Variants in GAREM1 observed in about 807,000 individuals in gnomAD.
The protein encoded by GAREM1 is GRB2 associated regulator of MAPK1 subtype 1.
In GAREM1, 26 loss-of-function variants were observed where a neutral mutation model predicts 71.3. The ratio of observed to expected loss-of-function variants is 0.36; its 90% confidence interval spans 0.27 to 0.51. The LOEUF is 0.51. Among genes scored for constraint, GAREM1 ranks in the 20% least tolerant of loss-of-function variants. The pLI is 0.95. For synonymous variants in GAREM1, 440 were observed against 433.2 expected (o/e 1.02, Z -0.20); for missense variants, 1,026 against 1,103.1 (o/e 0.93, Z 0.99).
chr18:32,376,892 AAAC>A (rs2048035543), intron 2 of GAREM1, among the ~76,000 whole-genome samples: 3 of 152,162 alleles, frequency 2.0e-5, no homozygotes, highest in Admixed American at 6.6e-5. Flanking sequence ...AAACAAAACA[AAAC>A]AAAAACACTA....
chr18:32,287,642 G>A lies in GAREM1; in HGVS notation c.955C>T (p.Pro319Ser), dbSNP rs775846989. 3 of 1,614,174 alleles carry A rather than the reference G, an allele frequency of 1.9e-6. No individual in the cohort carries two copies. The highest frequency in any genetic ancestry group is 1.7e-5 in the Admixed American group (1 of 60,018). The change falls in exon 4 of 6, where the codon CCC becomes TCC. Residue 319 changes from proline to serine, a missense_variant. Physicochemically the swap from Pro to Ser is moderately conservative, Grantham distance 74. This residue lies in a region of GAREM1 where 218 missense variants were observed against 296.8 expected (regional missense o/e 0.73). Transcript: ENST00000269209. The surrounding 1 kb of genome is among the most constrained non-coding windows in gnomAD (Gnocchi z 5.9). ...AGCCAGTGATGGACCAGGGTTTCGG[G>A]CCAGCTCTCTCCCTTCACCAGGTGT... ...PEHLVKGESWPETLVHHWLGI... is the reference protein window; with the variant it reads ...PEHLVKGESWSETLVHHWLGI...
chr18:32,387,626 AT>A (rs141397022), intron 2 of GAREM1, among the ~76,000 whole-genome samples: 172 of 152,338 alleles, frequency 1.1e-3, no homozygotes, highest in African/African-American at 3.7e-3. Context: ...AGGATCAATT[AT>A]TTGGTATACC....
intron 4 of GAREM1, among the ~76,000 whole-genome samples, chr18:32,280,546 C>T (rs960003984): frequency 9.9e-5 from 15 of 152,236 alleles, no homozygotes; most frequent in African/African-American, 3.4e-4. Context: ...TCAAAACCCC[C>T]GACTCTGCCA....
chr18:32,435,955 T>C (rs1026242720), intron 1 of GAREM1, among the ~76,000 whole-genome samples: 2 of 152,206 alleles, frequency 1.3e-5, no homozygotes, highest in Non-Finnish European at 2.9e-5. Flanking sequence ...AGTTAAGCAG[T>C]AGAACTGAGT....
In GAREM1 at chr18:32,264,803, T is replaced by C. The variant is rs189778829; in HGVS notation, c.*3068A>G. ...TGAGTCAGGTCCACATTATACATTT[T>C]AGTTGCTTGGCTTGGTTTATTGCTG... On this transcript the variant is annotated 3_prime_UTR_variant, in exon 6 of 6. Transcript: ENST00000269209. 59 of 152,336 alleles carry C rather than the reference T, an allele frequency of 3.9e-4. No individual in the cohort carries two copies. The highest frequency in any genetic ancestry group is 1.3e-3 in the African/African-American group (54 of 41,582). The allele number at this position is 152,336 out of a possible 1,614,324, so 9.4% of individuals were successfully genotyped here.
At chr18:32,420,818 A>C (rs1295719340) in intron 1 of GAREM1, among the ~76,000 whole-genome samples, 2 of 151,840 alleles carry the variant, frequency 1.3e-5, no homozygotes, top group Non-Finnish European at 2.9e-5. Flanking sequence ...ACTTAACTGC[A>C]TTGGTTTCAT....
At chr18:32,298,185 T>C (rs976202208) in intron 3 of GAREM1, among the ~76,000 whole-genome samples, 5 of 152,190 alleles carry the variant, frequency 3.3e-5, no homozygotes, top group African/African-American at 1.2e-4. Flanking sequence ...GTGTAACATA[T>C]GTGAGCACAA....
chr18:32,273,098 G>A (rs2041487065), intron 4 of GAREM1, among the ~76,000 whole-genome samples: 1 of 152,192 alleles, frequency 6.6e-6, no homozygotes, highest in Admixed American at 6.5e-5. Flanking sequence ...TAGAAATAGG[G>A]CGCATGGAAA....
chr18:32,342,913 T>C (rs2047660884), intron 2 of GAREM1, among the ~76,000 whole-genome samples: 1 of 152,208 alleles, frequency 6.6e-6, no homozygotes, highest in African/African-American at 2.4e-5. Flanking sequence ...CTATGCTTCT[T>C]TTGTACTAAA....
intron 3 of GAREM1, among the ~76,000 whole-genome samples, chr18:32,300,906 C>CA (rs764891353): frequency 0.054 from 4,459 of 83,094 alleles, 310 homozygotes; most frequent in African/African-American, 0.14. Flanking sequence ...AACTCCGTCT[C>CA]AAAAAAAAAA....
Position 32,355,653 on chromosome 18 carries a change from G to C in GAREM1, c.262+37242C>G, listed in dbSNP as rs187546801. On this transcript the variant is annotated intron_variant, in intron 2 of 5. Coordinates refer to ENST00000269209, the MANE Select transcript of GAREM1 (RefSeq NM_001242409.2). ...CAGTCTGCTGTTTATAAATACGGGG[G>C]AACTTGGACTTTTTTCTAGTACCTT... Among the ~76,000 whole-genome samples the C allele has an allele frequency of 1.7e-4, 26 of 152,074 alleles. No homozygotes were observed. The East Asian group carries it at 4.8e-3, about 28-fold the overall frequency.
At chr18:32,273,514 G>C (rs995880984) in intron 4 of GAREM1, among the ~76,000 whole-genome samples, 1 of 152,152 alleles carries the variant, frequency 6.6e-6, no homozygotes, top group Admixed American at 6.5e-5. Context: ...GACTCCTGAA[G>C]GGCTAATAGG....
At chr18:32,331,843 A>G (rs1339071102) in intron 2 of GAREM1, among the ~76,000 whole-genome samples, 1 of 151,556 alleles carries the variant, frequency 6.6e-6, no homozygotes, top group East Asian at 1.9e-4. Context: ...GGAAAGAGTG[A>G]GGAGAGAAAC....
chr18:32,457,224 A>AGT (rs1309543369), intron 1 of GAREM1, among the ~76,000 whole-genome samples: 7,805 of 106,508 alleles, frequency 0.073, 195 homozygotes, highest in Middle Eastern at 0.11. Context: ...AGAGAGAGAG[A>AGT]GAGTGTGTGT....
At chr18:32,382,422 G>A (rs1397672721) in intron 2 of GAREM1, among the ~76,000 whole-genome samples, 1 of 151,998 alleles carries the variant, frequency 6.6e-6, no homozygotes, top group Non-Finnish European at 1.5e-5. Context: ...TGAGGTGTGA[G>A]CCCTCCAAGC....
chr18:32,347,468 T>C (rs1164459151), intron 2 of GAREM1, among the ~76,000 whole-genome samples: 1 of 152,132 alleles, frequency 6.6e-6, no homozygotes, highest in African/African-American at 2.4e-5. Flanking sequence ...AATACTCTAG[T>C]TGGCTGCTTG....
chr18:32,373,231 C>T (rs2048001926), intron 2 of GAREM1, among the ~76,000 whole-genome samples: 2 of 151,946 alleles, frequency 1.3e-5, no homozygotes, highest in South Asian at 4.2e-4. Context: ...GAAGAGAATC[C>T]TACTTCTTGT....
chr18:32,376,859 CAACA>C (rs1338670695), intron 2 of GAREM1, among the ~76,000 whole-genome samples: 4 of 151,958 alleles, frequency 2.6e-5, no homozygotes, highest in East Asian at 3.9e-4. Flanking sequence ...AAAAACAAAT[CAACA>C]AACAAATAAA....
chr18:32,426,335 G>A (rs1003543628), intron 1 of GAREM1, among the ~76,000 whole-genome samples: 2 of 152,118 alleles, frequency 1.3e-5, no homozygotes, highest in African/African-American at 4.8e-5. Context: ...TTTAATTCTA[G>A]AGTCTGAAAG....
Sources: gnomAD v4.1 joint callset for allele counts (sites outside exome capture counted in the v4.1 genomes callset) on GRCh38, gnomAD v4.1.1 for gene constraint, gnomAD v4.1.1 regional missense constraint, Gnocchi (gnomAD v3.1) non-coding constraint, MANE v1.5 for transcripts, NCBI Gene and HGNC (gene_info 2026-07-23, HGNC 2026-07-21) for gene names.